The following LAIR1 variants were observed in gnomAD, a reference collection of about 807,000 sequenced individuals.
LAIR1 encodes the protein leukocyte associated immunoglobulin like receptor 1, also known as leukocyte-associated immunoglobulin-like receptor 1.
A neutral mutation model predicts 32.8 loss-of-function variants in LAIR1; 24 were observed. That is an observed-to-expected ratio of 0.73 (90% CI 0.53 to 1.03). LAIR1 has a LOEUF of 1.03. LAIR1 is among the 50% of genes least tolerant of loss of function. The probability of loss-of-function intolerance (pLI) is 0.00; values close to 1 mark genes in which losing one functional copy is unlikely to be tolerated. For synonymous variants in LAIR1, 150 were observed against 140.5 expected, an observed-to-expected ratio of 1.07 and a Z score of -0.48; for missense variants, 355 against 347.5, an observed-to-expected ratio of 1.02 and a Z score of -0.17.
chr19:54,373,502 CTT>C (rs2082455307), upstream of LAIR1, among the ~76,000 whole-genome samples: 1 of 152,186 alleles, frequency 6.6e-6, no homozygotes, highest in Admixed American at 6.5e-5. Context: ...TCAATTACCT[CTT>C]ATACGCTTGG....
chr19:54,366,546 CA>C (rs1464811845), upstream of LAIR1, among the ~76,000 whole-genome samples: 3 of 142,810 alleles, frequency 2.1e-5, no homozygotes, highest in African/African-American at 7.3e-5. Flanking sequence ...TGGAGTGAAG[CA>C]GTGCGATCTC....
chr19:54,356,105 A>G (rs955100209), intron 8 of LAIR1, 99 bp from the exon 9 acceptor site: 1 of 1,254,262 alleles, frequency 8.0e-7, no homozygotes, highest in Non-Finnish European at 1.2e-6. Context: ...TCCTGCACCC[A>G]ATGTATAATA....
At chr19:54,365,984 C>T (rs556213996), upstream of LAIR1, among the ~76,000 whole-genome samples, 6 of 152,174 alleles carry the variant, frequency 3.9e-5, no homozygotes, top group Non-Finnish European at 5.9e-5. Flanking sequence ...ACAACACGGA[C>T]GAAACCTGAG....
chr19:54,364,767 T>C lies in LAIR1; in HGVS notation c.34+4A>G, dbSNP rs376943699. 1.2e-6 allele frequency: 2 copies of C among 1,613,154 alleles called. No homozygotes were observed. Among genetic ancestry groups the C allele is most frequent in the Non-Finnish European group, 1.7e-6 (2 of 1,179,196 alleles). On this transcript the variant is annotated splice_donor_region_variant and intron_variant, in intron 1 of 9. Transcript: ENST00000391742. The surrounding 1 kb of genome is among the most constrained non-coding windows in gnomAD (Gnocchi z 4.8). Reference sequence around the variant, plus strand: ...CCAGCCTCCCGGCTGCCTCCAGGACTCACCTAGGCCCAGGAGGGCGGTGGG... The same window carrying C: ...CCAGCCTCCCGGCTGCCTCCAGGACCCACCTAGGCCCAGGAGGGCGGTGGG...
intron 5 of LAIR1, 48 bp downstream of exon 5, chr19:54,356,880 C>T (rs7246094): frequency 3.6e-4 from 575 of 1,607,800 alleles, no homozygotes; most frequent in Non-Finnish European, 4.6e-4. Flanking sequence ...TTTCTCCTTC[C>T]CCAAGAGGCA....
chr19:54,364,520 T>G lies in LAIR1; in HGVS notation c.35-190A>C, dbSNP rs772380439. On this transcript the variant is annotated intron_variant, in intron 1 of 9. Coordinates refer to ENST00000391742, the MANE Select transcript of LAIR1 (RefSeq NM_002287.6). This position sits in a 1 kb window ranked among gnomAD's most constrained non-coding sequence, Gnocchi z 4.8. ...TGGTTTCAAGATAAATCCCAAAGTC[T>G]CCTCCTCCAAAAAGGCTCCTGCTCC... 1.2e-6 allele frequency: 1 copy of G among 809,536 alleles called. No individual in the cohort carries two copies. The highest frequency in any genetic ancestry group is 1.4e-5 in the South Asian group (1 of 69,232). 50.1% of individuals were successfully genotyped at this position (809,536 alleles called of 1,614,324 possible).
chr19:54,357,192 C>T (rs1041663676), intron 4 of LAIR1: 1 of 563,604 alleles, frequency 1.8e-6, no homozygotes, highest in Non-Finnish European at 3.2e-6. Flanking sequence ...TAAATTTATC[C>T]AAAGTTGAAT....
rs950881476 is a variant in LAIR1 at position 54,355,734 on chromosome 19, T to C, written c.717+220A>G. On this transcript the variant is annotated intron_variant, in intron 9 of 9. Transcript: ENST00000391742. This position sits in a 1 kb window ranked among gnomAD's most constrained non-coding sequence, Gnocchi z 4.7. ...CCCTGTGAGAGGAACAGAGGTTTCC[T>C]GCCCACAGCCGGGGAAGTGAGCGTC... Among the ~76,000 whole-genome samples, 3 of 152,120 alleles carry C rather than the reference T, an allele frequency of 2.0e-5. No homozygotes were observed. The highest frequency in any genetic ancestry group is 4.4e-5 in the Non-Finnish European group (3 of 68,006).
rs549930329 is a variant in LAIR1, at chr19:54,363,500, G to A, written c.70+795C>T. Among the ~76,000 whole-genome samples the A allele has an allele frequency of 1.2e-4, 19 of 152,318 alleles. No homozygotes were observed. In the South Asian group the frequency reaches 3.9e-3, roughly 32 times the overall value. On this transcript the variant is annotated intron_variant, in intron 2 of 9. Transcript: ENST00000391742. ...TGCGGAGCTGACGCCTGCACTCCCA[G>A]GGTGACCGCAGCACTACTCACAGCC...
Position 54,354,962 on chromosome 19 carries a change from T to C in LAIR1, c.*306A>G. 3.2e-6 allele frequency: 1 copy of C among 313,710 alleles called. No individual in the cohort carries two copies. The highest frequency in any genetic ancestry group is 2.1e-5 in the African/African-American group (1 of 46,814). 19.4% of individuals were successfully genotyped at this position (313,710 alleles called of 1,614,324 possible). ...AGGCAGGTGACTTTAGCTGGGTCTC[T>C]GGAAACAGTCAGGTGAATAAAGCTG... On this transcript the variant is annotated 3_prime_UTR_variant, in exon 10 of 10. Coordinates refer to ENST00000391742, the MANE Select transcript of LAIR1 (RefSeq NM_002287.6).
At chr19:54,368,923 G>A (rs185209060), upstream of LAIR1, among the ~76,000 whole-genome samples, 57 of 151,218 alleles carry the variant, frequency 3.8e-4, 2 homozygotes, top group African/African-American at 1.4e-3. Flanking sequence ...CCGACCTCAG[G>A]TGATCCGCCC....
upstream of LAIR1, among the ~76,000 whole-genome samples, chr19:54,369,124 A>G (rs143173350): frequency 9.3e-4 from 139 of 149,382 alleles, 6 homozygotes; most frequent in African/African-American, 3.3e-3. Context: ...ACCCCAGCAC[A>G]TCCGCCAAAA....
intron 4 of LAIR1, among the ~76,000 whole-genome samples, chr19:54,359,147 G>A (rs1477779040): frequency 6.7e-6 from 1 of 149,788 alleles, no homozygotes; most frequent in Non-Finnish European, 1.5e-5. Context: ...TTCAGCCCCT[G>A]GTCCCACCTG....
upstream of LAIR1, among the ~76,000 whole-genome samples, chr19:54,375,159 G>A (rs1433033173): frequency 6.6e-6 from 1 of 152,200 alleles, no homozygotes; most frequent in Non-Finnish European, 1.5e-5. Flanking sequence ...CCGTCCCGCC[G>A]TCATCTCTGC....
At chr19:54,357,132 C>T in intron 4 of LAIR1, 166 bp from the exon 5 acceptor site, 1 of 604,372 alleles carries the variant, frequency 1.7e-6, no homozygotes, top group South Asian at 2.0e-5. Flanking sequence ...ATGATGGAAA[C>T]TTTCTACATC....
upstream of LAIR1, among the ~76,000 whole-genome samples, chr19:54,374,447 G>A (rs1277066888): frequency 6.6e-6 from 1 of 152,018 alleles, no homozygotes; most frequent in Non-Finnish European, 1.5e-5. Flanking sequence ...GGGTCCACAC[G>A]GCCCACTCCG....
chr19:54,356,621 T>G lies in LAIR1; in HGVS notation c.455-2A>C. 6.2e-7 allele frequency: 1 copy of G among 1,613,460 alleles called. No individual in the cohort carries two copies. Among genetic ancestry groups the G allele is most frequent in the Middle Eastern group, 1.6e-4 (1 of 6,062 alleles). ...TCAGGCCTTGGGAAGCAGGTGCATC[T>G]AAGAAAGACAGAAACAGGATTTCAG... On this transcript the variant is annotated splice_acceptor_variant, in intron 5 of 9. Coordinates refer to ENST00000391742, the MANE Select transcript of LAIR1 (RefSeq NM_002287.6). LOFTEE classifies it high-confidence loss of function.
the LAIR1 span, among the ~76,000 whole-genome samples, chr19:54,375,682 A>C: frequency 6.6e-6 from 1 of 151,574 alleles, no homozygotes. Flanking sequence ...TCGATGGGCC[A>C]CCTCCCCAGT....
upstream of LAIR1, among the ~76,000 whole-genome samples, chr19:54,373,374 G>A (rs911307747): frequency 1.7e-4 from 26 of 152,056 alleles, no homozygotes; most frequent in African/African-American, 6.3e-4. Context: ...AACCCGGGAG[G>A]CGGAGCTTGC....
Sources: gnomAD v4.1 joint callset for allele counts (sites outside exome capture counted in the v4.1 genomes callset) on GRCh38, gnomAD v4.1.1 for gene constraint, Gnocchi (gnomAD v3.1) non-coding constraint, MANE v1.5 for transcripts, NCBI Gene and HGNC (gene_info 2026-07-23, HGNC 2026-07-21) for gene names.